The following MOK variants were observed in gnomAD, a reference collection of about 807,000 sequenced individuals.
MOK encodes MOK protein kinase, also known as MAPK/MAK/MRK overlapping kinase.
A neutral mutation model predicts 54.2 loss-of-function variants in MOK; 59 were observed. The observed-to-expected ratio is 1.09, with a 90% CI of 0.88 to 1.35. The LOEUF is 1.35. Ranked by LOEUF, MOK falls within the 40% of genes most tolerant of loss-of-function variation. MOK has a pLI of 0.00. For synonymous variants in MOK, 210 were observed against 202.7 expected, an observed-to-expected ratio of 1.04 and a Z score of -0.31; for missense variants, 517 against 526.2, an observed-to-expected ratio of 0.98 and a Z score of 0.17.
Position 102,305,137 on chromosome 14 carries a change from C to T in MOK, c.-169G>A. ...AGAGATCCCGCCGCCATGTTGTGTC[C>T]CTGTCACCCTAGCAACCGTCAGGCC... On this transcript the variant is annotated 5_prime_UTR_variant, in exon 1 of 12. Transcript: ENST00000361847. The T allele has an allele frequency of 1.3e-6, 1 of 794,290 alleles. No individual in the cohort carries two copies. The highest frequency in any genetic ancestry group is 2.1e-6 in the Non-Finnish European group (1 of 475,286). 49.2% of individuals were successfully genotyped at this position (794,290 alleles called of 1,614,324 possible).
Position 102,231,496 on chromosome 14 carries a change from C to T in MOK, c.981+211G>A. The T allele has an allele frequency of 1.9e-6, 1 of 520,278 alleles. No homozygotes were observed. Among genetic ancestry groups the T allele is most frequent in the East Asian group, 3.0e-5 (1 of 32,976 alleles). The allele number at this position is 520,278 out of a possible 1,614,324, so 32.2% of individuals were successfully genotyped here. The stretch of plus-strand genomic sequence containing the variant: ...GATATTCGTCATCAATTCTTAGCTA[C>T]TGGGGCAGAAAGGGCTTGAGCAAAT... On this transcript the variant is annotated intron_variant, in intron 10 of 11. Transcript: ENST00000361847. This position sits in a 1 kb window ranked among gnomAD's most constrained non-coding sequence, Gnocchi z 4.4.
At chr14:102,279,284 C>CGTTGTTGTTGTTGTTGTTGTT (rs71116892) in intron 2 of MOK, among the ~76,000 whole-genome samples, 2 of 150,806 alleles carry the variant, frequency 1.3e-5, no homozygotes, top group African/African-American at 4.9e-5. Context: ...GCAAGAGAAC[C>CGTTGTTGTTGTTGTTGTTGTT]GTTGTTGTTG....
At chr14:102,255,590 G>C (rs1477445642) in intron 4 of MOK, among the ~76,000 whole-genome samples, 1 of 152,140 alleles carries the variant, frequency 6.6e-6, no homozygotes, top group Non-Finnish European at 1.5e-5. Flanking sequence ...CAGAGCAACA[G>C]TGTGGGCCCA....
At chr14:102,276,520 G>GT (rs2068879449) in intron 2 of MOK, among the ~76,000 whole-genome samples, 1 of 151,672 alleles carries the variant, frequency 6.6e-6, no homozygotes, top group Non-Finnish European at 1.5e-5. Context: ...AAAATAAAAA[G>GT]TTACAATCAC....
intron 1 of MOK, among the ~76,000 whole-genome samples, chr14:102,293,860 A>T (rs184980431): frequency 6.6e-6 from 1 of 152,222 alleles, no homozygotes; most frequent in African/African-American, 2.4e-5. Flanking sequence ...CAATGAATAC[A>T]CATTACTTTA....
chr14:102,214,995 T>A, the MOK span: 1 of 984,476 alleles, frequency 1.0e-6, no homozygotes. Flanking sequence ...CGTGTGTGAG[T>A]GAACTGTAAA....
At chr14:102,266,119 T>C (rs1410041814) in intron 2 of MOK, among the ~76,000 whole-genome samples, 1 of 152,204 alleles carries the variant, frequency 6.6e-6, no homozygotes, top group African/African-American at 2.4e-5. Context: ...GAACATACGT[T>C]AAAATTTTTC....
At position 102,230,896 on chromosome 14, in the gene MOK, T is replaced by G. The variant is rs2064633046; in HGVS notation, c.981+811A>C. ...TTTCAGCAAGTCTGTCTTTCGGACA[T>G]TCAAGTGGAGCTGTCAAATCAGGGA... On this transcript the variant is annotated intron_variant, in intron 10 of 11. Transcript: ENST00000361847. This position sits in a 1 kb window ranked among gnomAD's most constrained non-coding sequence, Gnocchi z 4.1. The G allele has an allele frequency of 6.6e-6, 1 of 152,268 alleles. No homozygotes were observed. Among genetic ancestry groups the G allele is most frequent in the African/African-American group, 2.4e-5 (1 of 41,440 alleles). 9.4% of individuals were successfully genotyped at this position (152,268 alleles called of 1,614,324 possible).
intron 2 of MOK, among the ~76,000 whole-genome samples, chr14:102,268,656 C>T (rs1253696695): frequency 2.0e-5 from 3 of 152,108 alleles, no homozygotes; most frequent in African/African-American, 7.2e-5. Context: ...TGGCTCATGC[C>T]TGTAATCCCA....
At chr14:102,296,439 C>T (rs1421405162) in intron 1 of MOK, among the ~76,000 whole-genome samples, 1 of 151,764 alleles carries the variant, frequency 6.6e-6, no homozygotes, top group Non-Finnish European at 1.5e-5. Context: ...TGTATATACA[C>T]AAAAATATGC....
Position 102,295,330 on chromosome 14 carries a change from G to C in MOK, c.7+9632C>G, listed in dbSNP as rs191249435. ...TTCTATGCACATTTATTAAACCAAGGCTTGTTTGTTGAAGTGGAATTTAAG... is the reference window on the plus strand; with the variant it reads ...TTCTATGCACATTTATTAAACCAAGCCTTGTTTGTTGAAGTGGAATTTAAG... On this transcript the variant is annotated intron_variant, in intron 1 of 11. Coordinates refer to ENST00000361847, the MANE Select transcript of MOK (RefSeq NM_014226.3). Among the ~76,000 whole-genome samples the C allele has an allele frequency of 3.2e-3, 485 of 152,306 alleles. 2 individuals carry two copies. Among genetic ancestry groups the C allele is most frequent in the Non-Finnish European group, 5.7e-3 (388 of 68,030 alleles).
intron 1 of MOK, among the ~76,000 whole-genome samples, chr14:102,286,015 C>CCT: frequency 6.6e-6 from 1 of 151,626 alleles, no homozygotes; most frequent in East Asian, 2.0e-4. Flanking sequence ...AGATGTGCAT[C>CCT]CGGGCCGGGC....
At chr14:102,276,428 G>T (rs767997136) in intron 2 of MOK, among the ~76,000 whole-genome samples, 1 of 152,066 alleles carries the variant, frequency 6.6e-6, no homozygotes, top group Non-Finnish European at 1.5e-5. Context: ...GTCAGAGCTT[G>T]CATTGAGCCG....
In MOK at chr14:102,229,010, T is replaced by C. The variant is rs1044921212; in HGVS notation, c.*279A>G. ...GCCTGCTCGTTTGTTTTGATTCATA[T>C]ACAAAGTTACAAAGTATTTCCTGCC... On this transcript the variant is annotated 3_prime_UTR_variant, in exon 12 of 12. Coordinates refer to ENST00000361847, the MANE Select transcript of MOK (RefSeq NM_014226.3). 1.5e-5 allele frequency: 7 copies of C among 470,038 alleles called. No individual in the cohort carries two copies. Among genetic ancestry groups the C allele is most frequent in the East Asian group, 1.4e-4 (4 of 29,210 alleles). The allele number at this position is 470,038 out of a possible 1,614,324, so 29.1% of individuals were successfully genotyped here. A position where few individuals can be genotyped will look rare whatever the true frequency, so the allele number is the denominator to read the frequency against.
rs753873053 is a variant in MOK at position 102,229,288 on chromosome 14, G to C, written c.*1C>G. The C allele has an allele frequency of 4.4e-6, 7 of 1,597,776 alleles. No homozygotes were observed. Among genetic ancestry groups the C allele is most frequent in the Non-Finnish European group, 6.0e-6 (7 of 1,170,948 alleles). ...GAAGTCGAGACGACGGTGCTGCTCA[G>C]TTATCTTCCGCCTTTCCGCACTATG... On this transcript the variant is annotated 3_prime_UTR_variant, in exon 12 of 12. Coordinates refer to ENST00000361847, the MANE Select transcript of MOK (RefSeq NM_014226.3).
chr14:102,267,674 G>A (rs890788740), intron 2 of MOK, among the ~76,000 whole-genome samples: 14 of 152,188 alleles, frequency 9.2e-5, no homozygotes, highest in Admixed American at 7.2e-4. Flanking sequence ...AGCCTGAAGA[G>A]CCTAAGAATA....
rs181651654 is a variant in MOK at position 102,282,614 on chromosome 14, G to A, written c.122+864C>T. 5.3e-5 allele frequency among the ~76,000 whole-genome samples: 8 copies of A among 152,086 alleles called. No individual in the cohort carries two copies. The East Asian group carries it at 1.4e-3, about 26-fold the overall frequency. On this transcript the variant is annotated intron_variant, in intron 2 of 11. Coordinates refer to ENST00000361847, the MANE Select transcript of MOK (RefSeq NM_014226.3). ...GCCAGGCGTGTGGTGTGCTCCTGTG[G>A]TCCCAGCTACTCAGGAGACTGAGGT...
chr14:102,285,523 A>G (rs2069947037), intron 1 of MOK, among the ~76,000 whole-genome samples: 1 of 152,248 alleles, frequency 6.6e-6, no homozygotes, highest in South Asian at 2.1e-4. Context: ...CGGTTATGTC[A>G]AAACACAAAA....
downstream of MOK, among the ~76,000 whole-genome samples, chr14:102,227,601 A>C (rs560948974): frequency 1.4e-4 from 21 of 151,932 alleles, no homozygotes; most frequent in African/African-American, 3.9e-4. Flanking sequence ...CCGGTCTGAA[A>C]ATTACGGCAA....
Sources: gnomAD v4.1 joint callset for allele counts (sites outside exome capture counted in the v4.1 genomes callset) on GRCh38, gnomAD v4.1.1 for gene constraint, Gnocchi (gnomAD v3.1) non-coding constraint, MANE v1.5 for transcripts, NCBI Gene and HGNC (gene_info 2026-07-23, HGNC 2026-07-21) for gene names.